The following SPATA1 variants were observed in gnomAD, a reference collection of about 807,000 sequenced individuals.
The protein encoded by SPATA1 is spermatogenesis-associated protein 1.
Under a neutral mutation model 59.6 loss-of-function variants are expected in SPATA1, and 57 were observed. The ratio of observed to expected loss-of-function variants is 0.96; its 90% CI spans 0.77 to 1.19. The LOEUF (loss-of-function observed/expected upper bound fraction) is 1.19. Among genes scored for constraint, SPATA1 ranks in the 50% most tolerant of loss-of-function variants. The pLI is 0.00. For synonymous variants in SPATA1, 147 were observed against 163.9 expected (o/e 0.90, Z 0.79); for missense variants, 448 against 480.7 (o/e 0.93, Z 0.64).
At chr1:84,521,741 T>C (rs1021804325) in intron 3 of SPATA1, among the ~76,000 whole-genome samples, 1 of 152,192 alleles carries the variant, frequency 6.6e-6, no homozygotes, top group Non-Finnish European at 1.5e-5. Flanking sequence ...GTAAAGTCCA[T>C]GAGGGCAGAG....
chr1:84,555,421 C>G (rs1047303978), downstream of SPATA1, among the ~76,000 whole-genome samples: 1 of 152,144 alleles, frequency 6.6e-6, no homozygotes, highest in African/African-American at 2.4e-5. Flanking sequence ...CCCTGACTTA[C>G]AATGGTTCAA....
intron 1 of SPATA1, among the ~76,000 whole-genome samples, chr1:84,509,067 C>G (rs539001765): frequency 6.6e-6 from 1 of 152,160 alleles, no homozygotes; most frequent in Admixed American, 6.5e-5. Flanking sequence ...TAAAAACAAT[C>G]CTAAAACTTA....
At chr1:84,507,699 G>A (rs1011404491) in intron 1 of SPATA1, among the ~76,000 whole-genome samples, 2 of 152,140 alleles carry the variant, frequency 1.3e-5, no homozygotes, top group African/African-American at 4.8e-5. Flanking sequence ...TTCAAAGAAT[G>A]ATCTGTTTTA....
exon 6 of SPATA1, chr1:84,526,064 C>G: frequency 6.2e-7 from 1 of 1,607,248 alleles, no homozygotes; most frequent in African/African-American, 1.3e-5. Context: ...TAACAAGAAT[C>G]AGGAAGAAGG....
chr1:84,552,542 G>C (rs1684306616), intron 12 of SPATA1: 1 of 151,978 alleles, frequency 6.6e-6, no homozygotes, highest in Admixed American at 6.6e-5. Context: ...ACTAGTATCT[G>C]ATTCTGTAAA....
chr1:84,516,786 C>T (rs1176881942), intron 2 of SPATA1, among the ~76,000 whole-genome samples: 1 of 152,170 alleles, frequency 6.6e-6, no homozygotes, highest in Non-Finnish European at 1.5e-5. Context: ...TGCATTTCTC[C>T]ACCTATTCTG....
At chr1:84,517,227 C>A (rs1281389574) in intron 2 of SPATA1, among the ~76,000 whole-genome samples, 1 of 152,104 alleles carries the variant, frequency 6.6e-6, no homozygotes, top group Non-Finnish European at 1.5e-5. Flanking sequence ...CTTCTTACCT[C>A]CCTGGTTGTT....
chr1:84,513,828 C>G (rs1250308337), intron 1 of SPATA1, among the ~76,000 whole-genome samples: 2 of 147,464 alleles, frequency 1.4e-5, no homozygotes, highest in Non-Finnish European at 3.0e-5. Flanking sequence ...GATGACTTCT[C>G]TTTTCTATAT....
chr1:84,555,281 T>C, downstream of SPATA1: 1 of 1,097,368 alleles, frequency 9.1e-7, no homozygotes. Context: ...AAAAGAAGTA[T>C]ACAGTACAGT....
chr1:84,548,954 C>T (rs1684187168), exon 11 of SPATA1: 1 of 1,584,354 alleles, frequency 6.3e-7, no homozygotes, highest in Admixed American at 1.8e-5. Flanking sequence ...GCAAACATCA[C>T]AGACTCCAAG....
At chr1:84,529,536 T>A (rs1366251661) in intron 6 of SPATA1, among the ~76,000 whole-genome samples, 1 of 149,972 alleles carries the variant, frequency 6.7e-6, no homozygotes, top group Non-Finnish European at 1.5e-5. Context: ...AATAAATTTA[T>A]AATAAATAAT....
exon 6 of SPATA1, chr1:84,526,003 G>A: frequency 1.2e-6 from 2 of 1,613,526 alleles, no homozygotes; most frequent in Non-Finnish European, 1.7e-6. Context: ...TGTTCAAGGA[G>A]GAACTTGGAA....
intron 1 of SPATA1, among the ~76,000 whole-genome samples, chr1:84,512,947 T>G (rs556895796): frequency 2.0e-5 from 3 of 152,366 alleles, no homozygotes; most frequent in Non-Finnish European, 4.4e-5. Flanking sequence ...TTATTTTTGG[T>G]TATTGAGATA....
chr1:84,530,823 T>A (rs1246253), intron 6 of SPATA1, among the ~76,000 whole-genome samples: 69,206 of 152,094 alleles, frequency 0.46, 17,704 homozygotes, highest in African/African-American at 0.7. Context: ...ATCATACTGA[T>A]CTTTTCATTA....
rs757159462 is a variant in SPATA1, at chr1:84,565,843, G to A, written n.443-18G>A. 4.8e-5 allele frequency: 73 copies of A among 1,522,848 alleles called. No homozygotes were observed. The Middle Eastern group carries it at 5.1e-4, about 11-fold the overall frequency. The allele number at this position is 1,522,848 out of a possible 1,614,324, so 94.3% of individuals were successfully genotyped here. A position where few individuals can be genotyped will look rare whatever the true frequency, so the allele number is the denominator to read the frequency against. On this transcript the variant is annotated intron_variant and non_coding_transcript_variant, in intron 4 of 4. Transcript: ENST00000460286. ...AATGACCATGTTTAGAGTCTTACCAGTTAATGTCTGATTATAGGGAGCATT... is the reference window on the plus strand; with the variant it reads ...AATGACCATGTTTAGAGTCTTACCAATTAATGTCTGATTATAGGGAGCATT...
At chr1:84,556,372 A>T (rs1684428955), downstream of SPATA1, among the ~76,000 whole-genome samples, 1 of 152,218 alleles carries the variant, frequency 6.6e-6, no homozygotes, top group East Asian at 1.9e-4. Context: ...AATTAATGCC[A>T]GTAATATTTA....
At chr1:84,524,718 G>A (rs1683150995) in intron 4 of SPATA1, among the ~76,000 whole-genome samples, 1 of 152,066 alleles carries the variant, frequency 6.6e-6, no homozygotes, top group African/African-American at 2.4e-5. Flanking sequence ...CATAATTCAG[G>A]ACTTAGCTCA....
In SPATA1 at chr1:84,563,726, T is replaced by A. The variant is rs776311837; in HGVS notation, n.443-2135T>A. 4.0e-6 allele frequency: 6 copies of A among 1,501,106 alleles called. No homozygotes were observed. In the East Asian group the frequency reaches 1.4e-4, roughly 35 times the overall value. 93.0% of individuals were successfully genotyped at this position (1,501,106 alleles called of 1,614,324 possible). ...TAATAAAAATTATGTAACAAATGACTGTTCCTACCTCAGACAGATTCAGGC... is the reference window on the plus strand; with the variant it reads ...TAATAAAAATTATGTAACAAATGACAGTTCCTACCTCAGACAGATTCAGGC... On this transcript the variant is annotated intron_variant and non_coding_transcript_variant, in intron 4 of 4. Coordinates refer to the SPATA1 transcript ENST00000460286.
At chr1:84,526,166 T>G in intron 6 of SPATA1, 93 bp downstream of exon 6, 1 of 1,031,360 alleles carries the variant, frequency 9.7e-7, no homozygotes, top group Non-Finnish European at 1.4e-6. Context: ...AACCTAGCCT[T>G]ACAAATATAG....
Sources: allele counts gnomAD v4.1 joint callset (sites outside exome capture counted in the v4.1 genomes callset), GRCh38; gene constraint gnomAD v4.1.1; transcripts MANE v1.5; gene names NCBI Gene and HGNC (gene_info 2026-07-23, HGNC 2026-07-21).